Variants in CCSER1 observed in about 807,000 individuals in gnomAD.
CCSER1 encodes serine-rich coiled-coil domain-containing protein 1.
Under a neutral mutation model 82.0 loss-of-function variants are expected in CCSER1, and 41 were observed. The ratio of observed to expected loss-of-function variants is 0.50; its 90% CI spans 0.39 to 0.65. The LOEUF is 0.65. Ranked by LOEUF, CCSER1 falls within the 30% of genes least tolerant of loss-of-function variation. The pLI, the probability that CCSER1 is intolerant of heterozygous loss-of-function variation, is 0.00. For missense variants in CCSER1, 1,119 were observed against 1,064.2 expected, an observed-to-expected ratio of 1.05 and a Z score of -0.72; for synonymous variants, 414 against 383.9, an observed-to-expected ratio of 1.08 and a Z score of -0.92.
chr4:90,212,000 T>C (rs764775897), intron 1 of CCSER1, among the ~76,000 whole-genome samples: 6 of 152,210 alleles, frequency 3.9e-5, no homozygotes, highest in Non-Finnish European at 7.3e-5. Context: ...CTGTCAGCCC[T>C]TTAGTTATTT....
intron 10 of CCSER1, among the ~76,000 whole-genome samples, chr4:91,225,428 AT>A (rs1294170432): frequency 6.9e-6 from 1 of 145,826 alleles, no homozygotes; most frequent in Non-Finnish European, 1.5e-5. Flanking sequence ...AATATACAGT[AT>A]TTCTTAAATT....
At chr4:90,399,891 A>T (rs1752561163) in intron 3 of CCSER1, 145 bp from the exon 4 acceptor site, 1 of 496,774 alleles carries the variant, frequency 2.0e-6, no homozygotes, top group Non-Finnish European at 3.7e-6. Context: ...TTTAAAGCCC[A>T]TAGGTGTCAA....
intron 10 of CCSER1, among the ~76,000 whole-genome samples, chr4:91,228,992 T>C (rs539346728): frequency 5.9e-4 from 90 of 152,228 alleles, no homozygotes; most frequent in Non-Finnish European, 8.2e-4. Flanking sequence ...CTGAGCAAGA[T>C]AGCTTTGGGA....
rs561364445 is a variant in CCSER1, at chr4:91,047,672, C to T, written c.2173-38278C>T. Reference sequence around the variant, plus strand: ...CTATGAACTTGAATTTGATTCATTACTGACATTATGGGTGAGATTTCAGTT... The same window carrying T: ...CTATGAACTTGAATTTGATTCATTATTGACATTATGGGTGAGATTTCAGTT... On this transcript the variant is annotated intron_variant, in intron 9 of 10. Transcript: ENST00000509176. 3.9e-5 allele frequency among the ~76,000 whole-genome samples: 6 copies of T among 152,194 alleles called. No individual in the cohort carries two copies. In the South Asian group the frequency reaches 8.3e-4, roughly 21 times the overall value.
intron 7 of CCSER1, among the ~76,000 whole-genome samples, chr4:90,783,143 T>C (rs906905859): frequency 2.6e-5 from 4 of 152,298 alleles, no homozygotes; most frequent in African/African-American, 9.6e-5. Flanking sequence ...GGTTTCACCA[T>C]ATTGGCCAGG....
chr4:90,959,661 A>G (rs1733866196), intron 9 of CCSER1, among the ~76,000 whole-genome samples: 1 of 149,380 alleles, frequency 6.7e-6, no homozygotes, highest in South Asian at 2.1e-4. Flanking sequence ...GATAAATTTG[A>G]CACCATTACC....
intron 10 of CCSER1, among the ~76,000 whole-genome samples, chr4:91,590,570 T>A (rs1292799473): frequency 2.0e-5 from 3 of 152,154 alleles, no homozygotes; most frequent in South Asian, 4.1e-4. Flanking sequence ...CTGTTATTTT[T>A]AAATTTGGTT....
intron 10 of CCSER1, among the ~76,000 whole-genome samples, chr4:91,572,561 A>T (rs1214793054): frequency 6.6e-6 from 1 of 152,154 alleles, no homozygotes; most frequent in African/African-American, 2.4e-5. Flanking sequence ...TTGCTATCCC[A>T]GGGAGAATTC....
chr4:90,722,798 C>T (rs1417611125), intron 6 of CCSER1, among the ~76,000 whole-genome samples: 2 of 151,882 alleles, frequency 1.3e-5, no homozygotes, highest in Non-Finnish European at 2.9e-5. Flanking sequence ...GTAGTCCCAA[C>T]TTAATGGATA....
At chr4:91,356,385 C>T in intron 10 of CCSER1, among the ~76,000 whole-genome samples, 1 of 152,194 alleles carries the variant, frequency 6.6e-6, no homozygotes, top group African/African-American at 2.4e-5. Flanking sequence ...TGACTGTCAT[C>T]TACCAAAATA....
chr4:90,754,817 C>T (rs1334708633), intron 7 of CCSER1, among the ~76,000 whole-genome samples: 1 of 151,828 alleles, frequency 6.6e-6, no homozygotes, highest in Non-Finnish European at 1.5e-5. Flanking sequence ...TATCTTAAAC[C>T]CTATTGAATT....
chr4:90,930,939 T>TATACAC (rs749253663), intron 9 of CCSER1, among the ~76,000 whole-genome samples: 107 of 135,090 alleles, frequency 7.9e-4, no homozygotes, highest in Non-Finnish European at 1.1e-3. Flanking sequence ...TATATATATA[T>TATACAC]ACACATGACA....
intron 9 of CCSER1, among the ~76,000 whole-genome samples, chr4:91,042,352 C>T (rs1255529368): frequency 6.6e-6 from 1 of 152,142 alleles, no homozygotes; most frequent in Admixed American, 6.5e-5. Context: ...TTTCCTGAGG[C>T]CTCCCCAGCC....
chr4:91,089,075 A>G (rs2148822496), intron 10 of CCSER1, among the ~76,000 whole-genome samples: 1 of 152,342 alleles, frequency 6.6e-6, no homozygotes, highest in Non-Finnish European at 1.5e-5. Flanking sequence ...AGCTGAAAGC[A>G]TCAGCAGACT....
chr4:91,463,332 A>G (rs1756629318), intron 10 of CCSER1, among the ~76,000 whole-genome samples: 2 of 152,330 alleles, frequency 1.3e-5, no homozygotes, highest in East Asian at 1.9e-4. Flanking sequence ...AACAGAAAGG[A>G]CATCCACACC....
At chr4:90,353,894 A>G (rs1743946565) in intron 3 of CCSER1, among the ~76,000 whole-genome samples, 1 of 152,192 alleles carries the variant, frequency 6.6e-6, no homozygotes, top group Non-Finnish European at 1.5e-5. Context: ...AACATTAAAA[A>G]TAGATCTGTC....
intron 8 of CCSER1, among the ~76,000 whole-genome samples, chr4:90,871,015 A>G (rs1766416395): frequency 6.7e-6 from 1 of 149,130 alleles, no homozygotes; most frequent in Non-Finnish European, 1.5e-5. Flanking sequence ...TTTCTCCACT[A>G]TCTGTTGTAA....
intron 9 of CCSER1, among the ~76,000 whole-genome samples, chr4:90,962,458 G>A (rs1463857177): frequency 1.3e-5 from 2 of 151,890 alleles, no homozygotes; most frequent in Non-Finnish European, 2.9e-5. Flanking sequence ...TTTTAAAAAA[G>A]GAATATTTTA....
chr4:90,401,464 A>G (rs548449380), intron 4 of CCSER1, among the ~76,000 whole-genome samples: 1 of 152,348 alleles, frequency 6.6e-6, no homozygotes, highest in East Asian at 1.9e-4. Context: ...GGTTTACCGA[A>G]CAGTCATTAA....
Sources: gnomAD v4.1 joint callset for allele counts (sites outside exome capture counted in the v4.1 genomes callset) on GRCh38, gnomAD v4.1.1 for gene constraint, MANE v1.5 for transcripts, NCBI Gene and HGNC (gene_info 2026-07-23, HGNC 2026-07-21) for gene names.